Variants in ERCC6 observed in about 807,000 individuals in gnomAD.
ERCC6 encodes the protein DNA excision repair protein ERCC-6.
ERCC6 carries 116 observed loss-of-function variants against 158.7 expected under a neutral mutation model. The ratio of observed to expected loss-of-function variants is 0.73; its 90% CI spans 0.63 to 0.85. The LOEUF (loss-of-function observed/expected upper bound fraction) is 0.85, where lower values mean the gene tolerates loss of function less well. Among genes scored for constraint, ERCC6 ranks in the 40% least tolerant of loss-of-function variants. ERCC6 has a pLI of 0.00. For synonymous variants in ERCC6, 678 were observed against 659.3 expected, an observed-to-expected ratio of 1.03 and a Z score of -0.43; for missense variants, 1,698 against 1,799.4, an observed-to-expected ratio of 0.94 and a Z score of 1.02.
In ERCC6 at chr10:49,459,147, G is replaced by A. The variant is rs750916757; in HGVS notation, c.4150C>T (p.Leu1384Phe). The stretch of plus-strand genomic sequence containing the variant: ...TTAGCCAAGAGTGAGGAGGAAGCGA[G>A]GGGCCCGGATGAAGAGTCTGCATCT... ...AEDADSSSGPLASSSLLAKMR... is the reference protein window; with the variant it reads ...AEDADSSSGPFASSSLLAKMR... Residue 1384 changes from leucine to phenylalanine, a missense_variant, in exon 21 of 21, where the codon CTC becomes TTC. Transcript: ENST00000355832. 1.4e-5 allele frequency: 22 copies of A among 1,614,096 alleles called. No individual in the cohort carries two copies. Among genetic ancestry groups the A allele is most frequent in the Non-Finnish European group, 1.8e-5 (21 of 1,180,044 alleles).
chr10:49,515,561 A>G (rs757179093), intron 5 of ERCC6: 5 of 1,614,092 alleles, frequency 3.1e-6, no homozygotes, highest in Non-Finnish European at 8.5e-7. Context: ...GGCATACCAC[A>G]CGTCGACGAA....
chr10:49,512,380 A>C (rs1469280629), intron 5 of ERCC6, among the ~76,000 whole-genome samples: 1 of 152,194 alleles, frequency 6.6e-6, no homozygotes, highest in Non-Finnish European at 1.5e-5. Context: ...CTTAGAACCA[A>C]GGGGCATGTT....
At chr10:49,523,424 CAA>C (rs1837223638) in intron 5 of ERCC6, among the ~76,000 whole-genome samples, 2 of 152,140 alleles carry the variant, frequency 1.3e-5, no homozygotes, top group Non-Finnish European at 2.9e-5. Flanking sequence ...AGCTAAAAGC[CAA>C]AGTCAGTCTC....
At chr10:49,463,785 C>T (rs1850624653) in intron 18 of ERCC6, among the ~76,000 whole-genome samples, 1 of 152,202 alleles carries the variant, frequency 6.6e-6, no homozygotes, top group Non-Finnish European at 1.5e-5. Flanking sequence ...CATAAGCTCT[C>T]TTTGCCTGCT....
At chr10:49,471,932 C>A (rs1850788841) in intron 16 of ERCC6, among the ~76,000 whole-genome samples, 1 of 152,216 alleles carries the variant, frequency 6.6e-6, no homozygotes, top group Non-Finnish European at 1.5e-5. Flanking sequence ...ACGAAACAGC[C>A]ATCCTGTCGA....
In ERCC6 at chr10:49,500,654, G is replaced by A; in HGVS notation, c.1569C>T (p.Cys523=). ...CTCCCAGAATTCCTCCTGCCTGCTG[G>A]CAGTGCAATTCCCACAGCCACCTAA... ...TGVRWLWELH[C]QQAGGILGDE... is the part of the protein sequence containing the mutation. The change falls in exon 7 of 21, where the codon TGC becomes TGT. Residue 523 remains cysteine, a synonymous_variant. Transcript: ENST00000355832. 6.2e-7 allele frequency: 1 copy of A among 1,613,908 alleles called. No homozygotes were observed. The highest frequency in any genetic ancestry group is 8.5e-7 in the Non-Finnish European group (1 of 1,179,900).
intron 12 of ERCC6, among the ~76,000 whole-genome samples, chr10:49,474,760 T>C (rs1049194557): frequency 6.6e-6 from 1 of 152,096 alleles, no homozygotes; most frequent in African/African-American, 2.4e-5. Flanking sequence ...GAAAAAAAAC[T>C]GCATGAAAAA....
chr10:49,472,056 A>T lies in ERCC6; in HGVS notation c.2924+320T>A, dbSNP rs1048513884. 2.0e-5 allele frequency among the ~76,000 whole-genome samples: 3 copies of T among 152,214 alleles called. No homozygotes were observed. The South Asian group carries it at 6.2e-4, about 31-fold the overall frequency. On this transcript the variant is annotated intron_variant, in intron 16 of 20. Transcript: ENST00000355832. Reference sequence around the variant, plus strand: ...GTAACATTCAACCTTGTCATTTTTTAAAATTTTTCTGAAGGCAACACACCA... The same window carrying T: ...GTAACATTCAACCTTGTCATTTTTTTAAATTTTTCTGAAGGCAACACACCA...
intron 7 of ERCC6, among the ~76,000 whole-genome samples, chr10:49,495,642 G>A (rs963499046): frequency 7.9e-5 from 12 of 151,990 alleles, no homozygotes; most frequent in African/African-American, 2.4e-4. Context: ...CCCTGTCCCC[G>A]TGCTTCCAAA....
intron 3 of ERCC6, 23 bp from the exon 4 acceptor site, chr10:49,528,548 C>G (rs1461905933): frequency 1.2e-6 from 2 of 1,613,132 alleles, no homozygotes; most frequent in South Asian, 2.2e-5. Flanking sequence ...ATATAGAAGA[C>G]AGAAAACAGC....
intron 20 of ERCC6, 165 bp downstream of exon 20, chr10:49,460,208 T>A: frequency 1.5e-6 from 1 of 667,288 alleles, no homozygotes; most frequent in Non-Finnish European, 2.7e-6. Context: ...CAGGTCCTTT[T>A]AGATTCAAGT....
chr10:49,492,157 C>T (rs758694670), intron 8 of ERCC6, among the ~76,000 whole-genome samples: 8 of 152,182 alleles, frequency 5.3e-5, no homozygotes, highest in Non-Finnish European at 1.2e-4. Flanking sequence ...TTCTGAGTCA[C>T]TTCTATCAAA....
At chr10:49,492,434 C>T (rs1215632628) in intron 8 of ERCC6, among the ~76,000 whole-genome samples, 7 of 152,108 alleles carry the variant, frequency 4.6e-5, no homozygotes, top group South Asian at 2.1e-4. Context: ...ATGGGTCACC[C>T]GGGATATAAA....
intron 19 of ERCC6, 96 bp from the exon 20 acceptor site, chr10:49,460,547 T>A: frequency 1.2e-6 from 1 of 856,896 alleles, no homozygotes. Context: ...CCTGGAAACA[T>A]TTCCATCTGC....
At chr10:49,536,574 C>T (rs965999434) in intron 1 of ERCC6, among the ~76,000 whole-genome samples, 3 of 152,110 alleles carry the variant, frequency 2.0e-5, no homozygotes, top group Admixed American at 6.5e-5. Flanking sequence ...AGTCAGGAGA[C>T]AAAGTTGGCA....
At chr10:49,513,474 A>G (rs1254640951) in intron 5 of ERCC6, among the ~76,000 whole-genome samples, 3 of 152,208 alleles carry the variant, frequency 2.0e-5, no homozygotes, top group Non-Finnish European at 4.4e-5. Context: ...GAGATACTAT[A>G]TTGTATGAGT....
In ERCC6 at chr10:49,524,717, T is replaced by C; in HGVS notation, c.713A>G (p.Glu238Gly). ...TGTCATCTGGCCAGTGCGGATGAGC[T>C]CTTCCCAGGCAGTCTCCTGGACAGG... is the stretch of plus-strand genomic sequence containing the variant. ...LMPVQETAWE[E>G]LIRTGQMTPF... Residue 238 changes from glutamate (E) to glycine (G), a missense_variant, in exon 5 of 21, where the codon GAG (glutamate) becomes GGG (glycine). Transcript: ENST00000355832. 6.2e-7 allele frequency: 1 copy of C among 1,608,098 alleles called. No individual in the cohort carries two copies. The highest frequency in any genetic ancestry group is 8.5e-7 in the Non-Finnish European group (1 of 1,180,012).
At chr10:49,500,998 G>A (rs1851346996) in intron 6 of ERCC6, 1 of 294,884 alleles carries the variant, frequency 3.4e-6, no homozygotes, top group Non-Finnish European at 6.4e-6. Flanking sequence ...TGCTAAACAA[G>A]CATAAACTTA....
downstream of ERCC6, among the ~76,000 whole-genome samples, chr10:49,449,515 C>T (rs567188466): frequency 6.7e-6 from 1 of 148,242 alleles, no homozygotes; most frequent in African/African-American, 2.5e-5. Flanking sequence ...AAGATTTACC[C>T]ATTTTCTTCT....
Sources: allele counts gnomAD v4.1 joint callset (sites outside exome capture counted in the v4.1 genomes callset), GRCh38; gene constraint gnomAD v4.1.1; transcripts MANE v1.5; gene names NCBI Gene and HGNC (gene_info 2026-07-23, HGNC 2026-07-21).